The following ERBB2 variants were observed in gnomAD, a reference collection of about 807,000 sequenced individuals.
ERBB2 encodes the protein erb-b2 receptor tyrosine kinase 2, also known as receptor tyrosine-protein kinase erbB-2.
Under a neutral mutation model 149.0 loss-of-function variants are expected in ERBB2, and 61 were observed. The observed-to-expected ratio is 0.41, with a 90% CI of 0.33 to 0.51. The LOEUF (loss-of-function observed/expected upper bound fraction) is 0.51, where lower values mean the gene tolerates loss of function less well. Among genes scored for constraint, ERBB2 ranks in the 20% least tolerant of loss-of-function variants. The probability of loss-of-function intolerance (pLI) is 0.25; values close to 1 mark genes in which losing one functional copy is unlikely to be tolerated. For synonymous variants in ERBB2, 633 were observed against 678.8 expected, an observed-to-expected ratio of 0.93 and a Z score of 1.05; for missense variants, 1,205 against 1,655.1, an observed-to-expected ratio of 0.73 and a Z score of 4.72.
intron 4 of ERBB2, 120 bp from the exon 5 acceptor site, chr17:39,709,693 C>G: frequency 9.4e-7 from 1 of 1,064,192 alleles, no homozygotes; most frequent in South Asian, 1.4e-5. Context: ...GTCTGGGTCC[C>G]TCCCTTGCTG....
At chr17:39,692,565 C>A (rs142146683), upstream of ERBB2, among the ~76,000 whole-genome samples, 1 of 152,046 alleles carries the variant, frequency 6.6e-6, no homozygotes, top group East Asian at 2.0e-4. Context: ...GCCTCCACGC[C>A]TGGCTAATTT....
intron 19 of ERBB2, among the ~76,000 whole-genome samples, chr17:39,724,269 C>A (rs940932024): frequency 2.0e-5 from 1 of 50,054 alleles, no homozygotes; most frequent in Non-Finnish European, 4.9e-5. Flanking sequence ...CAAGCGCCCG[C>A]TAATTTTTTT....
intron 9 of ERBB2, among the ~76,000 whole-genome samples, chr17:39,714,057 CA>C (rs34185413): frequency 0.54 from 50,881 of 94,838 alleles, 12,282 homozygotes; most frequent in Non-Finnish European, 0.63. Context: ...GACCCTGTCT[CA>C]AAAAAAAAAA....
chr17:39,726,301 C>T lies in ERBB2; in HGVS notation c.2873-261C>T, dbSNP rs887698372. The T allele has an allele frequency of 2.0e-6, 1 of 508,134 alleles. No homozygotes were observed. The highest frequency in any genetic ancestry group is 1.9e-5 in the African/African-American group (1 of 52,350). The allele number at this position is 508,134 out of a possible 1,614,324, so 31.5% of individuals were successfully genotyped here. On this transcript the variant is annotated intron_variant, in intron 23 of 26. Coordinates refer to ENST00000269571, the MANE Select transcript of ERBB2 (RefSeq NM_004448.4). This position sits in a 1 kb window ranked among gnomAD's most constrained non-coding sequence, Gnocchi z 5.1. The stretch of plus-strand genomic sequence containing the variant: ...TAAGCTATGATTGCACCACTGAAAT[C>T]CAGCCTGGGTGACAGAGCGAAACCT...
At chr17:39,721,414 C>G (rs1259007391) in intron 16 of ERBB2, among the ~76,000 whole-genome samples, 1 of 152,104 alleles carries the variant, frequency 6.6e-6, no homozygotes, top group South Asian at 2.1e-4. Context: ...GCTGGGATTA[C>G]AGGCATGCGC....
upstream of ERBB2, among the ~76,000 whole-genome samples, chr17:39,691,076 G>A (rs992904648): frequency 3.3e-5 from 5 of 151,670 alleles, no homozygotes; most frequent in Non-Finnish European, 7.4e-5. Flanking sequence ...AAGGCTCAAC[G>A]GCAAGCTGAC....
In ERBB2 at chr17:39,717,495, C is replaced by G. The variant is rs2145714181; in HGVS notation, c.1898+15C>G. 6.3e-7 allele frequency: 1 copy of G among 1,595,448 alleles called. No individual in the cohort carries two copies. Among genetic ancestry groups the G allele is most frequent in the East Asian group, 2.3e-5 (1 of 44,188 alleles). On this transcript the variant is annotated intron_variant, in intron 15 of 26. Coordinates refer to ENST00000269571, the MANE Select transcript of ERBB2 (RefSeq NM_004448.4). ...TGCACCCACTCGTGAGTCCAACGGT[C>G]TTTTCTGCAGAAAGGAGGACTTTCC...
At position 39,725,571 on chromosome 17, in the gene ERBB2, C is replaced by A; in HGVS notation, c.2726-136C>A. On this transcript the variant is annotated intron_variant, in intron 22 of 26. Transcript: ENST00000269571. This position sits in a 1 kb window ranked among gnomAD's most constrained non-coding sequence, Gnocchi z 4.6. ...TGCACTTCCCAGGATTAGGGAAAGA[C>A]CGGGTAGGGTCTGTCTCCTGGCATC... The A allele has an allele frequency of 1.6e-6, 2 of 1,219,364 alleles. No individual in the cohort carries two copies. The highest frequency in any genetic ancestry group is 1.4e-5 in the South Asian group (1 of 69,828). 75.5% of individuals were successfully genotyped at this position (1,219,364 alleles called of 1,614,324 possible).
upstream of ERBB2, chr17:39,699,695 A>C: frequency 1.3e-6 from 1 of 775,558 alleles, no homozygotes; most frequent in African/African-American, 1.7e-5. Context: ...AGTAGGATGC[A>C]AGCTCCCCAG....
At chr17:39,692,542 A>G (rs751308329), upstream of ERBB2, among the ~76,000 whole-genome samples, 3 of 151,422 alleles carry the variant, frequency 2.0e-5, no homozygotes, top group Non-Finnish European at 4.4e-5. Flanking sequence ...AGTAGCTGGG[A>G]TTATAGGCAT....
rs369690252 is a variant in ERBB2 at position 39,716,549 on chromosome 17, T to C, written c.1681T>C (p.Leu561=). ...PREYVNARHC[L]PCHPECQPQN... Reference sequence around the variant, plus strand: ...GGAGTATGTGAATGCCAGGCACTGTTTGCCGTGCCACCCTGAGTGTCAGCC... The same window carrying C: ...GGAGTATGTGAATGCCAGGCACTGTCTGCCGTGCCACCCTGAGTGTCAGCC... The change falls in exon 14 of 27, where the codon TTG becomes CTG. Residue 561 remains leucine, a synonymous_variant. Transcript: ENST00000269571. 6.8e-6 allele frequency: 11 copies of C among 1,614,012 alleles called. No homozygotes were observed. In the African/African-American group the frequency reaches 1.3e-4, roughly 20 times the overall value.
intron 15 of ERBB2, 120 bp downstream of exon 15, chr17:39,717,600 A>G: frequency 1.2e-6 from 1 of 802,856 alleles, no homozygotes. Flanking sequence ...GATGACAAAA[A>G]TAACACATTG....
intron 1 of ERBB2, chr17:39,703,098 C>T (rs923205917): frequency 6.6e-6 from 1 of 152,354 alleles, no homozygotes; most frequent in Non-Finnish European, 1.5e-5. Context: ...ACTTCAGAGT[C>T]CTCTCCCTTC....
At chr17:39,720,015 G>C (rs1401736191) in intron 16 of ERBB2, 181 bp downstream of exon 16, 8 of 624,874 alleles carry the variant, frequency 1.3e-5, no homozygotes, top group Non-Finnish European at 2.3e-5. Flanking sequence ...CAGATGCTGA[G>C]GGGAGGGGAC....
chr17:39,691,850 A>G (rs2057709544), upstream of ERBB2, among the ~76,000 whole-genome samples: 1 of 143,290 alleles, frequency 7.0e-6, no homozygotes, highest in South Asian at 2.1e-4. Flanking sequence ...ATGTACTAGC[A>G]TGGTAAAACC....
rs1181163727 is a variant in ERBB2 at position 39,716,702 on chromosome 17, C to T, written c.1737+97C>T. ...GGCGAGATGCAGTAGGGTGTGCTATCTGGTAAAATATCCCTGGAGAGGGCT... is the reference window on the plus strand; with the variant it reads ...GGCGAGATGCAGTAGGGTGTGCTATTTGGTAAAATATCCCTGGAGAGGGCT... On this transcript the variant is annotated intron_variant, in intron 14 of 26. Transcript: ENST00000269571. 3 of 1,092,540 alleles carry T rather than the reference C, an allele frequency of 2.7e-6. No individual in the cohort carries two copies. In the African/African-American group the frequency reaches 4.6e-5, roughly 17 times the overall value. The allele number at this position is 1,092,540 out of a possible 1,614,324, so 67.7% of individuals were successfully genotyped here. A position where few individuals can be genotyped will look rare whatever the true frequency, so the allele number is the denominator to read the frequency against.
Position 39,723,069 on chromosome 17 carries a change from G to C in ERBB2, c.1947-250G>C, listed in dbSNP as rs150643867. Among the ~76,000 whole-genome samples, 275 of 152,260 alleles carry C rather than the reference G, an allele frequency of 1.8e-3. 2 individuals are homozygous for C. Among genetic ancestry groups the C allele is most frequent in the African/African-American group, 6.3e-3 (261 of 41,534 alleles). On this transcript the variant is annotated intron_variant, in intron 16 of 26. Coordinates refer to ENST00000269571, the MANE Select transcript of ERBB2 (RefSeq NM_004448.4). This position sits in a 1 kb window ranked among gnomAD's most constrained non-coding sequence, Gnocchi z 6.2. ...TGAATTGTTGAAGCCCTAAGCCAGA[G>C]CCAAGGGCAAGAGTATAGAGAATCT...
At position 39,725,667 on chromosome 17, in the gene ERBB2, C is replaced by T. The variant is rs2143052835; in HGVS notation, c.2726-40C>T. On this transcript the variant is annotated intron_variant, in intron 22 of 26. Coordinates refer to ENST00000269571, the MANE Select transcript of ERBB2 (RefSeq NM_004448.4). This position sits in a 1 kb window ranked among gnomAD's most constrained non-coding sequence, Gnocchi z 4.6. ...ACCTCTGGCTCAGTACACTAAAGCT[C>T]CCTCTGGCCCTCCCACTCCTGACCC... 6.3e-7 allele frequency: 1 copy of T among 1,577,752 alleles called. No individual in the cohort carries two copies. The highest frequency in any genetic ancestry group is 8.6e-7 in the Non-Finnish European group (1 of 1,161,800).
Position 39,709,732 on chromosome 17 carries a change from G to A in ERBB2, c.575-81G>A, listed in dbSNP as rs781363672. 7.7e-5 allele frequency: 108 copies of A among 1,396,844 alleles called. 1 individual carries two copies. The highest frequency in any genetic ancestry group is 1.0e-4 in the Non-Finnish European group (100 of 993,370). 86.5% of individuals were successfully genotyped at this position (1,396,844 alleles called of 1,614,324 possible). On this transcript the variant is annotated intron_variant, in intron 4 of 26. Transcript: ENST00000269571. ...AGTTGGCCTCGTGGCCTCTGCTGCT[G>A]TTTGTGCCTCTCTCTGTTACTAACC...
Sources: allele counts gnomAD v4.1 joint callset (sites outside exome capture counted in the v4.1 genomes callset), GRCh38; gene constraint gnomAD v4.1.1; non-coding constraint Gnocchi (gnomAD v3.1); transcripts MANE v1.5; gene names NCBI Gene and HGNC (gene_info 2026-07-23, HGNC 2026-07-21).